RBM41: variants seen among roughly 807,000 people sequenced by gnomAD.
RBM41 encodes the protein RNA-binding protein 41.
Under a neutral mutation model 30.8 loss-of-function variants are expected in RBM41, and 14 were observed. The ratio of observed to expected loss-of-function variants is 0.45; its 90% confidence interval spans 0.30 to 0.71. The LOEUF is 0.71. RBM41 is among the 30% of genes least tolerant of loss of function. The pLI is 0.08. For missense variants in RBM41, 276 were observed against 326.3 expected, an observed-to-expected ratio of 0.85 and a Z score of 1.19; for synonymous variants, 120 against 110.1, an observed-to-expected ratio of 1.09 and a Z score of -0.56.
At chrX:107,080,977 A>C (rs1257262745) in intron 6 of RBM41, among the ~76,000 whole-genome samples, 1 of 111,301 alleles carries the variant, frequency 9.0e-6, no homozygotes, top group East Asian at 2.8e-4. Flanking sequence ...TTGTCTTTTG[A>C]TTCTCTTAAA....
downstream of RBM41, among the ~76,000 whole-genome samples, chrX:107,058,179 G>C (rs1935601181): frequency 9.2e-6 from 1 of 108,461 alleles, no homozygotes; most frequent in African/African-American, 3.4e-5. Context: ...TGTAATCCCA[G>C]CTACTTGGGA....
downstream of RBM41, among the ~76,000 whole-genome samples, chrX:107,059,161 C>T (rs777495324): frequency 1.3e-4 from 14 of 111,477 alleles, no homozygotes; most frequent in Admixed American, 3.8e-4. Context: ...CATCCTGAGG[C>T]CTCGCCCTTC....
chrX:107,106,051 C>T (rs1285547), intron 5 of RBM41, among the ~76,000 whole-genome samples: 5,663 of 111,281 alleles, frequency 0.051, 371 homozygotes, highest in African/African-American at 0.18. Flanking sequence ...TTCTGTACAG[C>T]GAAAGAAACT....
rs373831343 is a variant in RBM41, at chrX:107,069,405, A to G, written c.1000-3T>C. 13 of 1,184,519 alleles carry G rather than the reference A, an allele frequency of 1.1e-5. No individual in the cohort carries two copies. In the African/African-American group the frequency reaches 2.2e-4, roughly 20 times the overall value. Reference sequence around the variant, plus strand: ...CTAAGGTTCTTCAGGTATAATACCTAAAACAAATTGAGGATCAACCAAAAT... The same window carrying G: ...CTAAGGTTCTTCAGGTATAATACCTGAAACAAATTGAGGATCAACCAAAAT... On this transcript the variant is annotated splice_polypyrimidine_tract_variant and splice_region_variant and intron_variant, in intron 6 of 7. Coordinates refer to ENST00000685964, the MANE Select transcript of RBM41 (RefSeq NM_001324242.2).
intron 6 of RBM41, among the ~76,000 whole-genome samples, chrX:107,078,489 T>C (rs889850829): frequency 8.9e-6 from 1 of 112,247 alleles, no homozygotes; most frequent in Non-Finnish European, 1.9e-5. Flanking sequence ...CCAACATTAT[T>C]TTAGTTTGTT....
At chrX:107,106,095 G>C (rs1005041879) in intron 5 of RBM41, among the ~76,000 whole-genome samples, 5 of 111,378 alleles carry the variant, frequency 4.5e-5, no homozygotes, top group Non-Finnish European at 7.5e-5. Context: ...TACAGAATGG[G>C]AGAAAATTTT....
At chrX:107,095,341 A>T (rs1265046932) in intron 5 of RBM41, among the ~76,000 whole-genome samples, 2 of 111,310 alleles carry the variant, frequency 1.8e-5, no homozygotes, top group African/African-American at 6.5e-5. Context: ...CATGCCTGTA[A>T]TCCCACCACT....
downstream of RBM41, among the ~76,000 whole-genome samples, chrX:107,058,293 CAAAAAAAAAAA>C (rs201428990): frequency 4.4e-5 from 2 of 45,712 alleles, no homozygotes; most frequent in Admixed American, 2.5e-4. Flanking sequence ...AACTCCGTCT[CAAAAAAAAAAA>C]AAAAAAAAAA....
At chrX:107,072,732 C>T (rs1440776428) in intron 6 of RBM41, among the ~76,000 whole-genome samples, 1 of 111,750 alleles carries the variant, frequency 8.9e-6, no homozygotes, top group Admixed American at 9.5e-5. Context: ...CACTACCAGA[C>T]TTCAAAATGT....
chrX:107,112,763 G>T, intron 5 of RBM41: 1 of 297,666 alleles, frequency 3.4e-6, no homozygotes, highest in Non-Finnish European at 6.4e-6. Flanking sequence ...TATGCTGAGT[G>T]AAAGAAGCCA....
At chrX:107,116,615 CTA>C in intron 2 of RBM41, 33 bp downstream of exon 2, 1 of 1,202,941 alleles carries the variant, frequency 8.3e-7, no homozygotes, top group Non-Finnish European at 1.1e-6. Flanking sequence ...AGGTAAGAGT[CTA>C]TGATACTCTC....
rs148963447 is a variant in RBM41, at chrX:107,087,634, C to T, written c.999+802G>A. ...GACAATTTTTTTTGAGACGAAGTCT[C>T]GGTTTGTTGCCCAGGCTGGATTTTG... On this transcript the variant is annotated intron_variant, in intron 6 of 7. Transcript: ENST00000685964. Among the ~76,000 whole-genome samples the T allele has an allele frequency of 9.4e-3, 1,057 of 112,216 alleles. 14 individuals are homozygous for T. Among genetic ancestry groups the T allele is most frequent in the African/African-American group, 0.032 (993 of 30,938 alleles).
At chrX:107,092,533 C>G (rs1922634227) in intron 5 of RBM41, among the ~76,000 whole-genome samples, 1 of 110,669 alleles carries the variant, frequency 9.0e-6, no homozygotes, top group Admixed American at 9.6e-5. Context: ...TTCCTTGAGC[C>G]CAGGAGTTCA....
chrX:107,115,297 T>C, intron 4 of RBM41, 55 bp downstream of exon 4: 2 of 1,123,724 alleles, frequency 1.8e-6, no homozygotes, highest in Non-Finnish European at 2.4e-6. Flanking sequence ...AATGCCCTGC[T>C]GTTTAATCTT....
intron 6 of RBM41, among the ~76,000 whole-genome samples, chrX:107,072,243 A>C (rs951687337): frequency 9.0e-6 from 1 of 111,345 alleles, no homozygotes; most frequent in Non-Finnish European, 1.9e-5. Context: ...AAACCTAAAA[A>C]AAAACCTGAA....
chrX:107,098,998 GA>G (rs375921504), intron 5 of RBM41, among the ~76,000 whole-genome samples: 8 of 99,232 alleles, frequency 8.1e-5, no homozygotes, highest in African/African-American at 2.6e-4. Context: ...CTTTGTCTCA[GA>G]AAAAAAAAAG....
At position 107,081,834 on chromosome X, in the gene RBM41, T is replaced by C. The variant is rs760041548; in HGVS notation, c.999+6602A>G. Among the ~76,000 whole-genome samples the C allele has an allele frequency of 4.8e-4, 54 of 112,153 alleles. 1 individual carries two copies. The highest frequency in any genetic ancestry group is 1.4e-3 in the African/African-American group (44 of 30,965). ...TCATTTCTGGTATAGAGGAAAGCAA[T>C]TGACTTTTGTGGATAAACCTTGTAA... is the stretch of plus-strand genomic sequence containing the variant. On this transcript the variant is annotated intron_variant, in intron 6 of 7. Coordinates refer to ENST00000685964, the MANE Select transcript of RBM41 (RefSeq NM_001324242.2).
At chrX:107,075,451 A>G (rs1415812756) in intron 6 of RBM41, among the ~76,000 whole-genome samples, 1 of 112,228 alleles carries the variant, frequency 8.9e-6, no homozygotes, top group Non-Finnish European at 1.9e-5. Context: ...AAAGGAAACA[A>G]TAGAGTGAAA....
At chrX:107,090,878 G>A (rs1262883607) in intron 5 of RBM41, among the ~76,000 whole-genome samples, 1 of 110,238 alleles carries the variant, frequency 9.1e-6, no homozygotes, top group African/African-American at 3.3e-5. Context: ...TGCCATGGTG[G>A]TTTGCTGCAC....
Sources: gnomAD v4.1 joint callset for allele counts (sites outside exome capture counted in the v4.1 genomes callset) on GRCh38, gnomAD v4.1.1 for gene constraint, MANE v1.5 for transcripts, NCBI Gene and HGNC (gene_info 2026-07-23, HGNC 2026-07-21) for gene names.